Variants in DNAJB2 observed in about 807,000 individuals in gnomAD.
DNAJB2 encodes dnaJ homolog subfamily B member 2.
A neutral mutation model predicts 33.3 loss-of-function variants in DNAJB2; 19 were observed. The ratio of observed to expected loss-of-function variants is 0.57; its 90% CI spans 0.40 to 0.84. The LOEUF (loss-of-function observed/expected upper bound fraction) is 0.84. Ranked by LOEUF, DNAJB2 falls within the 40% of genes least tolerant of loss-of-function variation. DNAJB2 has a pLI of 0.00. For missense variants in DNAJB2, 368 were observed against 430.9 expected (o/e 0.85, Z 1.29); for synonymous variants, 172 against 164.6 (o/e 1.04, Z -0.34).
rs1276209452 is a variant in DNAJB2, at chr2:219,286,885, G to A, written c.*1898G>A. Reference sequence around the variant, plus strand: ...GGAAATGCTGGAAGTCAATAAAACTGAGTTTTGAGAGCTTGGTGGTGTGTT... The same window carrying A: ...GGAAATGCTGGAAGTCAATAAAACTAAGTTTTGAGAGCTTGGTGGTGTGTT... On this transcript the variant is annotated 3_prime_UTR_variant, in exon 9 of 9. Transcript: ENST00000336576. 1 of 152,310 alleles carries A rather than the reference G, an allele frequency of 6.6e-6. No individual in the cohort carries two copies. Among genetic ancestry groups the A allele is most frequent in the African/African-American group, 2.4e-5 (1 of 41,438 alleles). The allele number at this position is 152,310 out of a possible 1,614,324, so 9.4% of individuals were successfully genotyped here.
Position 219,285,151 on chromosome 2 carries a change from A to T in DNAJB2, c.*164A>T. The T allele has an allele frequency of 1.5e-6, 2 of 1,356,064 alleles. No individual in the cohort carries two copies. The highest frequency in any genetic ancestry group is 1.9e-6 in the Non-Finnish European group (2 of 1,051,926). 84.0% of individuals were successfully genotyped at this position (1,356,064 alleles called of 1,614,324 possible). A position where few individuals can be genotyped will look rare whatever the true frequency, so the allele number is the denominator to read the frequency against. ...CCCCACACCCCAGTGTGGACTTGGG[A>T]TTTGCTGTGCTCAGCCCAGGGCTGA... On this transcript the variant is annotated 3_prime_UTR_variant, in exon 9 of 9. Coordinates refer to ENST00000336576, the MANE Select transcript of DNAJB2 (RefSeq NM_006736.6).
rs1951957401 is a variant in DNAJB2 at position 219,286,429 on chromosome 2, G to A, written c.*1442G>A. Reference sequence around the variant, plus strand: ...ATCTGAGCCTTGGTTCCCCTGACACGTCTTGCTAGCCCCAGGGTTAGAGTG... The same window carrying A: ...ATCTGAGCCTTGGTTCCCCTGACACATCTTGCTAGCCCCAGGGTTAGAGTG... On this transcript the variant is annotated 3_prime_UTR_variant, in exon 9 of 9. Coordinates refer to ENST00000336576, the MANE Select transcript of DNAJB2 (RefSeq NM_006736.6). 3 of 173,040 alleles carry A rather than the reference G, an allele frequency of 1.7e-5. No individual in the cohort carries two copies. Among genetic ancestry groups the A allele is most frequent in the South Asian group, 1.4e-4 (1 of 7,010 alleles). 10.7% of individuals were successfully genotyped at this position (173,040 alleles called of 1,614,324 possible).
At position 219,285,697 on chromosome 2, in the gene DNAJB2, C is replaced by A. The variant is rs1951949263; in HGVS notation, c.*710C>A. On this transcript the variant is annotated 3_prime_UTR_variant, in exon 9 of 9. Coordinates refer to ENST00000336576, the MANE Select transcript of DNAJB2 (RefSeq NM_006736.6). ...GCCGGGTGGGGCGGGAGCCTCTCAG[C>A]TGTCCAGATTCAGAACTGGAGCCCA... The A allele has an allele frequency of 8.3e-7, 1 of 1,200,614 alleles. No individual in the cohort carries two copies. The highest frequency in any genetic ancestry group is 1.0e-6 in the Non-Finnish European group (1 of 964,130). 74.4% of individuals were successfully genotyped at this position (1,200,614 alleles called of 1,614,324 possible). A position where few individuals can be genotyped will look rare whatever the true frequency, so the allele number is the denominator to read the frequency against.
chr2:219,279,758 G>T lies in DNAJB2; in HGVS notation c.-36-40G>T. 1 of 1,556,570 alleles carries T rather than the reference G, an allele frequency of 6.4e-7. No homozygotes were observed. The highest frequency in any genetic ancestry group is 8.8e-7 in the Non-Finnish European group (1 of 1,135,056). On this transcript the variant is annotated intron_variant, in intron 1 of 8. Coordinates refer to ENST00000336576, the MANE Select transcript of DNAJB2 (RefSeq NM_006736.6). This position sits in a 1 kb window ranked among gnomAD's most constrained non-coding sequence, Gnocchi z 4.9. The stretch of plus-strand genomic sequence containing the variant: ...GGGGACTGCTGCAGCCACAGGGTGG[G>T]GCTCTTGGTTCTTTCCGCCTGACTC...
At chr2:219,280,454 G>A in intron 2 of DNAJB2, 124 bp from the exon 3 acceptor site, 1 of 686,546 alleles carries the variant, frequency 1.5e-6, no homozygotes, top group Non-Finnish European at 2.5e-6. Context: ...AGCAGCTGGG[G>A]TGGACTGGGA....
At chr2:219,282,277 T>C (rs1322690058) in intron 5 of DNAJB2, 2 of 626,162 alleles carry the variant, frequency 3.2e-6, no homozygotes, top group Admixed American at 6.0e-5. Flanking sequence ...CTCACCTTAT[T>C]AAATTACAAC....
At chr2:219,281,238 G>C (rs55908154) in intron 3 of DNAJB2, 43,609 of 185,658 alleles carry the variant, frequency 0.23, 6,931 homozygotes, top group African/African-American at 0.48. Context: ...CACACACACA[G>C]ACACAGTTAC....
intron 4 of DNAJB2, 55 bp from the exon 5 acceptor site, chr2:219,281,884 C>T: frequency 6.3e-7 from 1 of 1,581,314 alleles, no homozygotes; most frequent in Non-Finnish European, 8.5e-7. Flanking sequence ...AGGTGAGGTC[C>T]CCCGCTCAGG....
At position 219,285,650 on chromosome 2, in the gene DNAJB2, G is replaced by T; in HGVS notation, c.*663G>T. 8.7e-7 allele frequency: 1 copy of T among 1,147,718 alleles called. No individual in the cohort carries two copies. The highest frequency in any genetic ancestry group is 1.1e-6 in the Non-Finnish European group (1 of 931,764). 71.1% of individuals were successfully genotyped at this position (1,147,718 alleles called of 1,614,324 possible). ...GGAAGATGCTGGGGCCGGTAGGGCT[G>T]TGAGATCTTCTGGGGAGGCTAGCCG... On this transcript the variant is annotated 3_prime_UTR_variant, in exon 9 of 9. Transcript: ENST00000336576.
intron 2 of DNAJB2, chr2:219,280,310 C>T: frequency 1.8e-6 from 1 of 550,822 alleles, no homozygotes; most frequent in African/African-American, 1.9e-5. Context: ...CCAACCTTTG[C>T]AGCCCCAGTC....
chr2:219,285,760 C>G lies in DNAJB2; in HGVS notation c.*773C>G. ...CTCGTTGCCTCAGCCTGCCCTCACCCTCAGGACTAGGCAGAGGTGAGGCTG... is the reference window on the plus strand; with the variant it reads ...CTCGTTGCCTCAGCCTGCCCTCACCGTCAGGACTAGGCAGAGGTGAGGCTG... On this transcript the variant is annotated 3_prime_UTR_variant, in exon 9 of 9. Transcript: ENST00000336576. 7.6e-7 allele frequency: 1 copy of G among 1,314,474 alleles called. No individual in the cohort carries two copies. The highest frequency in any genetic ancestry group is 9.7e-7 in the Non-Finnish European group (1 of 1,026,784). 81.4% of individuals were successfully genotyped at this position (1,314,474 alleles called of 1,614,324 possible).
At position 219,284,906 on chromosome 2, in the gene DNAJB2, G is replaced by A. The variant is rs147049774; in HGVS notation, c.894G>A (p.Gly298=). The A allele has an allele frequency of 1.1e-5, 18 of 1,596,370 alleles. No homozygotes were observed. Among genetic ancestry groups the A allele is most frequent in the Non-Finnish European group, 1.4e-5 (16 of 1,168,370 alleles). ...KAQHQDPGLG[G]TQEGARGEAT... is the part of the protein sequence containing the mutation. ...AGCACCAAGATCCAGGCTTGGGGGG[G>A]ACCCAGGAGGGTGCGAGGGGTGAAG... Residue 298 remains glycine (G), a synonymous_variant, in exon 9 of 9, where the codon GGG becomes GGA. Transcript: ENST00000336576.
At chr2:219,283,776 G>A (rs146762899) in intron 8 of DNAJB2, among the ~76,000 whole-genome samples, 121 of 152,322 alleles carry the variant, frequency 7.9e-4, no homozygotes, top group African/African-American at 2.1e-3. Flanking sequence ...GCATCTGGGG[G>A]AGTACACAGG....
chr2:219,283,238 G>A lies in DNAJB2; in HGVS notation c.548+3G>A. 1 of 1,614,218 alleles carries A rather than the reference G, an allele frequency of 6.2e-7. No individual in the cohort carries two copies. Among genetic ancestry groups the A allele is most frequent in the African/African-American group, 1.3e-5 (1 of 75,058 alleles). On this transcript the variant is annotated splice_donor_region_variant and intron_variant, in intron 7 of 8. Transcript: ENST00000336576. ...GGACGCCGCATCACCACACGCAGGT[G>A]AGAGCTCCTTCTGGGGCCATAGAGG...
chr2:219,283,124 C>G lies in DNAJB2; in HGVS notation c.446-9C>G. Reference sequence around the variant, plus strand: ...CACCTCTCCTCCTCCTCCCTTGTCCCGATGCCAGATTTCTCCTCCTCATCT... The same window carrying G: ...CACCTCTCCTCCTCCTCCCTTGTCCGGATGCCAGATTTCTCCTCCTCATCT... On this transcript the variant is annotated splice_polypyrimidine_tract_variant and intron_variant, in intron 6 of 8. Transcript: ENST00000336576. The G allele has an allele frequency of 6.2e-7, 1 of 1,614,104 alleles. No individual in the cohort carries two copies. The highest frequency in any genetic ancestry group is 1.1e-5 in the South Asian group (1 of 91,084).
intron 5 of DNAJB2, 178 bp from the exon 6 acceptor site, chr2:219,282,659 C>T (rs1574900769): frequency 1.8e-6 from 1 of 546,234 alleles, no homozygotes; most frequent in East Asian, 3.2e-5. Context: ...ACAGAATTAA[C>T]CAGTGAGTGT....
intron 3 of DNAJB2, 55 bp from the exon 4 acceptor site, chr2:219,281,663 T>C: frequency 1.9e-6 from 3 of 1,611,514 alleles, no homozygotes; most frequent in Non-Finnish European, 2.5e-6. Context: ...CGTCCTAGCC[T>C]GGGAGGGGAG....
rs1007135501 is a variant in DNAJB2 at position 219,283,366 on chromosome 2, C to T, written c.549-53C>T. On this transcript the variant is annotated intron_variant, in intron 7 of 8. Transcript: ENST00000336576. ...CTGCGGTGGCCAGAACTGGGACCAG[C>T]GCCTGCAGGATTCTGTCACTGCTCG... 7.5e-5 allele frequency: 121 copies of T among 1,608,058 alleles called. 1 individual carries two copies. Among genetic ancestry groups the T allele is most frequent in the African/African-American group, 4.7e-4 (35 of 74,846 alleles).
In DNAJB2 at chr2:219,285,959, T is replaced by C; in HGVS notation, c.*972T>C. The C allele has an allele frequency of 4.3e-6, 7 of 1,611,284 alleles. No individual in the cohort carries two copies. The South Asian group carries it at 7.7e-5, about 18-fold the overall frequency. ...ACAGCTTGCCGCTGACGCTCTCTCC[T>C]GTCACCCCGCCCCTGCTCTCTCCCC... On this transcript the variant is annotated 3_prime_UTR_variant, in exon 9 of 9. Coordinates refer to ENST00000336576, the MANE Select transcript of DNAJB2 (RefSeq NM_006736.6).
Sources: allele counts gnomAD v4.1 joint callset (sites outside exome capture counted in the v4.1 genomes callset), GRCh38; gene constraint gnomAD v4.1.1; non-coding constraint Gnocchi (gnomAD v3.1); transcripts MANE v1.5; gene names NCBI Gene and HGNC (gene_info 2026-07-23, HGNC 2026-07-21).